Variants in CDH22 observed in about 807,000 individuals in gnomAD.
CDH22 encodes cadherin 22.
CDH22 carries 30 observed loss-of-function variants against 58.4 expected under a neutral mutation model. The ratio of observed to expected loss-of-function variants is 0.51; its 90% confidence interval spans 0.38 to 0.70. CDH22 has a LOEUF of 0.70. Among genes scored for constraint, CDH22 ranks in the 30% least tolerant of loss-of-function variants. CDH22 has a pLI of 0.00. For synonymous variants in CDH22, 513 were observed against 558.2 expected, an observed-to-expected ratio of 0.92 and a Z score of 1.14; for missense variants, 1,014 against 1,233.9, an observed-to-expected ratio of 0.82 and a Z score of 2.67.
Position 46,251,138 on chromosome 20 carries a change from C to G in CDH22, c.157G>C (p.Gly53Arg). The stretch of plus-strand genomic sequence containing the variant: ...TTGACGCGGCCGGCTCCCAGCGCGC[C>G]GTCCTGCCGAGCTCCGGGCGCCGAC... ...SPSAPGARQD[G>R]ALGAGRVKRG... The change falls in exon 2 of 12, where the codon GGC (glycine) becomes CGC (arginine). Residue 53 changes from glycine (G) to arginine (R), a missense_variant. Coordinates refer to ENST00000537909, the MANE Select transcript of CDH22 (RefSeq NM_021248.3). This position sits in a 1 kb window ranked among gnomAD's most constrained non-coding sequence, Gnocchi z 6.7. 2 of 1,601,374 alleles carry G rather than the reference C, an allele frequency of 1.2e-6. No individual in the cohort carries two copies. Among genetic ancestry groups the G allele is most frequent in the South Asian group, 1.1e-5 (1 of 90,476 alleles).
At chr20:46,303,819 A>G (rs2086662801) in intron 1 of CDH22, among the ~76,000 whole-genome samples, 1 of 152,112 alleles carries the variant, frequency 6.6e-6, no homozygotes, top group Non-Finnish European at 1.5e-5. Flanking sequence ...TCAGTAGGCA[A>G]TGGGGAGCCA....
At chr20:46,212,494 G>A (rs912382536) in intron 6 of CDH22, among the ~76,000 whole-genome samples, 1 of 152,202 alleles carries the variant, frequency 6.6e-6, no homozygotes, top group South Asian at 2.1e-4. Context: ...CAGCCAGTGG[G>A]CAAGGAAGGC....
At chr20:46,185,660 G>A (rs1391104560) in intron 10 of CDH22, among the ~76,000 whole-genome samples, 5 of 151,848 alleles carry the variant, frequency 3.3e-5, no homozygotes, top group African/African-American at 1.2e-4. Context: ...TTGAGCCCAG[G>A]AGCTCGATAC....
chr20:46,220,539 A>G (rs1172738104), intron 4 of CDH22: 1 of 152,468 alleles, frequency 6.6e-6, no homozygotes, highest in Admixed American at 6.5e-5. Context: ...GTCACTTGCC[A>G]TCCAGGACCT....
intron 6 of CDH22, among the ~76,000 whole-genome samples, chr20:46,211,219 C>T (rs1279534743): frequency 1.3e-5 from 2 of 152,222 alleles, no homozygotes; most frequent in Admixed American, 6.5e-5. Context: ...TTAGCTCTGA[C>T]CGTCTAAAGA....
chr20:46,284,186 C>A (rs779026383), intron 1 of CDH22, among the ~76,000 whole-genome samples: 2 of 151,574 alleles, frequency 1.3e-5, no homozygotes, highest in African/African-American at 4.9e-5. Context: ...ACGCACAGAC[C>A]CAGATCTTCC....
intron 3 of CDH22, among the ~76,000 whole-genome samples, chr20:46,234,517 T>C (rs1253156550): frequency 1.3e-5 from 2 of 152,234 alleles, no homozygotes; most frequent in Non-Finnish European, 2.9e-5. Flanking sequence ...TTAGTGAATA[T>C]CCCAAGAAGT....
rs117550533 is a variant in CDH22 at position 46,181,055 on chromosome 20, C to G, written c.1664-2858G>C. On this transcript the variant is annotated intron_variant, in intron 10 of 11. Coordinates refer to ENST00000537909, the MANE Select transcript of CDH22 (RefSeq NM_021248.3). Reference sequence around the variant, plus strand: ...CCTCCCAAAGTGGTGGCATTACAGGCATAAGCCACCATGACTGGCCTCCAT... The same window carrying G: ...CCTCCCAAAGTGGTGGCATTACAGGGATAAGCCACCATGACTGGCCTCCAT... Among the ~76,000 whole-genome samples, 70 of 151,926 alleles carry G rather than the reference C, an allele frequency of 4.6e-4. No individual in the cohort carries two copies. In the East Asian group the frequency reaches 0.013, roughly 29 times the overall value.
chr20:46,244,898 A>G (rs1472347703), intron 2 of CDH22, among the ~76,000 whole-genome samples: 1 of 152,170 alleles, frequency 6.6e-6, no homozygotes, highest in Non-Finnish European at 1.5e-5. Context: ...CAAATCAGGA[A>G]AGATTATGTG....
At chr20:46,177,871 G>C (rs1427412508) in intron 11 of CDH22, 75 bp downstream of exon 11, 6 of 1,556,338 alleles carry the variant, frequency 3.9e-6, no homozygotes, top group Non-Finnish European at 5.2e-6. Flanking sequence ...CCCCATGGGG[G>C]CTGGTTAGGA....
chr20:46,292,916 T>TTTTG (rs1555808073), intron 1 of CDH22, among the ~76,000 whole-genome samples: 3 of 143,816 alleles, frequency 2.1e-5, no homozygotes, highest in East Asian at 2.0e-4. Flanking sequence ...CAGCCACTGG[T>TTTTG]TGTGTGTGTG....
intron 1 of CDH22, among the ~76,000 whole-genome samples, chr20:46,263,404 T>TTGTGTG (rs1351934981): frequency 3.9e-5 from 2 of 50,832 alleles, no homozygotes; most frequent in Non-Finnish European, 7.5e-5. Flanking sequence ...TGGCCTTCCA[T>TTGTGTG]TCTGTGTGTG....
chr20:46,205,924 A>G (rs1329392891), intron 7 of CDH22, among the ~76,000 whole-genome samples: 1 of 152,068 alleles, frequency 6.6e-6, no homozygotes, highest in Non-Finnish European at 1.5e-5. Context: ...CACTCTCCCC[A>G]TTCCAAGCCT....
chr20:46,248,148 C>T (rs1384009561), intron 2 of CDH22, among the ~76,000 whole-genome samples: 2 of 152,186 alleles, frequency 1.3e-5, no homozygotes, highest in African/African-American at 4.8e-5. Flanking sequence ...TCCCCTCCTT[C>T]TAATGAAGGG....
intron 1 of CDH22, among the ~76,000 whole-genome samples, chr20:46,268,820 T>C (rs2086474280): frequency 6.6e-6 from 1 of 151,952 alleles, no homozygotes; most frequent in African/African-American, 2.4e-5. Context: ...ATTATATAGA[T>C]GGGCAAACTG....
intron 1 of CDH22, among the ~76,000 whole-genome samples, chr20:46,269,726 C>T (rs561057983): frequency 6.6e-6 from 1 of 152,290 alleles, no homozygotes; most frequent in East Asian, 1.9e-4. Flanking sequence ...AGTAAGGGCA[C>T]CTGCTCTGCC....
chr20:46,231,100 C>A (rs953782819), intron 3 of CDH22, among the ~76,000 whole-genome samples: 1 of 152,184 alleles, frequency 6.6e-6, no homozygotes, highest in African/African-American at 2.4e-5. Context: ...CCCAGACTTC[C>A]AGAAGTAGAG....
chr20:46,203,057 G>T (rs2425773), intron 7 of CDH22, among the ~76,000 whole-genome samples: 116,909 of 152,060 alleles, frequency 0.77, 45,683 homozygotes, highest in African/African-American at 0.92. Flanking sequence ...CTTCTCCTTT[G>T]CCCTGTTTTT....
intron 5 of CDH22, among the ~76,000 whole-genome samples, chr20:46,213,437 G>A (rs2086059366): frequency 6.6e-6 from 1 of 152,224 alleles, no homozygotes. Flanking sequence ...TAAAATGCCT[G>A]CAGTTCTTTG....
Sources: allele counts gnomAD v4.1 joint callset (sites outside exome capture counted in the v4.1 genomes callset), GRCh38; gene constraint gnomAD v4.1.1; non-coding constraint Gnocchi (gnomAD v3.1); transcripts MANE v1.5; gene names NCBI Gene and HGNC (gene_info 2026-07-23, HGNC 2026-07-21).